FRG1: variants seen among roughly 807,000 people sequenced by gnomAD.
The protein encoded by FRG1 is FSHD region gene 1, also known as protein FRG1.
A neutral mutation model predicts 37.0 loss-of-function variants in FRG1; 19 were observed. The observed-to-expected ratio is 0.51, with a 90% CI of 0.36 to 0.75. FRG1 has a LOEUF of 0.75. FRG1 is among the 30% of genes least tolerant of loss of function. FRG1 has a pLI of 0.00. For missense variants in FRG1, 243 were observed against 301.4 expected (o/e 0.81, Z 1.44); for synonymous variants, 73 against 96.5 (o/e 0.76, Z 1.43).
At chr4:189,941,384 C>G (rs1224086976) in intron 1 of FRG1, among the ~76,000 whole-genome samples, 1 of 152,200 alleles carries the variant, frequency 6.6e-6, no homozygotes, top group Non-Finnish European at 1.5e-5. Context: ...AGTCTGATCT[C>G]GTAGTTCATG....
rs1211099867 is a variant in FRG1, at chr4:189,963,180, T to C, written c.*51T>C. 1 of 1,464,900 alleles carries C rather than the reference T, an allele frequency of 6.8e-7. No homozygotes were observed. The allele number at this position is 1,464,900 out of a possible 1,614,324, so 90.7% of individuals were successfully genotyped here. A position where few individuals can be genotyped will look rare whatever the true frequency, so the allele number is the denominator to read the frequency against. On this transcript the variant is annotated 3_prime_UTR_variant, in exon 9 of 9. Coordinates refer to ENST00000226798, the MANE Select transcript of FRG1 (RefSeq NM_004477.3). ...TTTCTGTGTTTTTTTCTGAATAAAATATTCAGAGGAAATGCTTTTACAGAG... is the reference window on the plus strand; with the variant it reads ...TTTCTGTGTTTTTTTCTGAATAAAACATTCAGAGGAAATGCTTTTACAGAG...
At chr4:189,954,593 TTC>T (rs368225976) in intron 4 of FRG1, among the ~76,000 whole-genome samples, 2,827 of 136,632 alleles carry the variant, frequency 0.021, 68 homozygotes, top group South Asian at 0.05. Flanking sequence ...TGTAGCTTTT[TTC>T]TTTTTTTTTT....
In FRG1 at chr4:189,957,550, G is replaced by A. The variant is rs566868818; in HGVS notation, c.537+48G>A. On this transcript the variant is annotated intron_variant, in intron 6 of 8. Coordinates refer to ENST00000226798, the MANE Select transcript of FRG1 (RefSeq NM_004477.3). The stretch of plus-strand genomic sequence containing the variant: ...ATGACTGCATTCACACATGCGATGT[G>A]ACTGTATCTCTTTAAAATGTTAAAT... 58 of 1,546,092 alleles carry A rather than the reference G, an allele frequency of 3.8e-5. No individual in the cohort carries two copies. In the African/African-American group the frequency reaches 7.9e-4, roughly 21 times the overall value.
At chr4:189,942,855 A>G (rs1736376584) in intron 1 of FRG1, among the ~76,000 whole-genome samples, 1 of 152,212 alleles carries the variant, frequency 6.6e-6, no homozygotes, top group Non-Finnish European at 1.5e-5. Flanking sequence ...TAATCCTCAC[A>G]ATAGCCTTAA....
At chr4:189,955,626 G>A (rs548063984) in intron 5 of FRG1, among the ~76,000 whole-genome samples, 61 of 152,144 alleles carry the variant, frequency 4.0e-4, no homozygotes, top group Middle Eastern at 3.4e-3. Context: ...AATAGCATAC[G>A]AAAAGATAGT....
intron 8 of FRG1, among the ~76,000 whole-genome samples, chr4:189,962,240 A>G (rs1301916515): frequency 6.6e-6 from 1 of 152,184 alleles, no homozygotes; most frequent in African/African-American, 2.4e-5. Flanking sequence ...TTTGACTAAT[A>G]TAAAAATTAT....
At chr4:189,962,491 A>G (rs1247070857) in intron 8 of FRG1, among the ~76,000 whole-genome samples, 3 of 152,182 alleles carry the variant, frequency 2.0e-5, no homozygotes, top group Non-Finnish European at 2.9e-5. Context: ...GTATAAATCA[A>G]TTAAGTGCCA....
intron 1 of FRG1, 41 bp downstream of exon 1, chr4:189,941,112 T>C (rs539017949): frequency 1.9e-5 from 29 of 1,551,868 alleles, no homozygotes; most frequent in Non-Finnish European, 2.6e-5. Context: ...TCCGTTCTTT[T>C]CGGACGCACT....
intron 6 of FRG1, among the ~76,000 whole-genome samples, chr4:189,959,001 A>C (rs1170304734): frequency 6.6e-6 from 1 of 152,224 alleles, no homozygotes; most frequent in Non-Finnish European, 1.5e-5. Flanking sequence ...TGGGGGCCAG[A>C]GTGGAAGGCT....
At chr4:189,959,907 A>G (rs531773702) in intron 6 of FRG1, 1 of 982,376 alleles carries the variant, frequency 1.0e-6, no homozygotes, top group African/African-American at 1.7e-5. Flanking sequence ...CAGAACACAG[A>G]TCCCTCTTAC....
chr4:189,961,433 A>G, intron 7 of FRG1: 1 of 157,188 alleles, frequency 6.4e-6, no homozygotes, highest in East Asian at 1.9e-4. Context: ...CCCAAGATGG[A>G]GTCTCGCTCT....
intron 1 of FRG1, chr4:189,942,056 G>C (rs1472114699): frequency 2.0e-5 from 4 of 200,266 alleles, no homozygotes; most frequent in African/African-American, 7.1e-5. Flanking sequence ...CCTGGGAGGA[G>C]AGGAGAGTTA....
chr4:189,942,523 C>G (rs563913238), intron 1 of FRG1, among the ~76,000 whole-genome samples: 34 of 152,278 alleles, frequency 2.2e-4, no homozygotes, highest in African/African-American at 8.2e-4. Flanking sequence ...TGAGGTTCAT[C>G]ATTGTTGTAG....
chr4:189,941,773 T>C, intron 1 of FRG1: 1 of 337,350 alleles, frequency 3.0e-6, no homozygotes, highest in Non-Finnish European at 5.9e-6. Context: ...TGGTAATTTA[T>C]TAGCTTTTTA....
At chr4:189,954,324 G>T (rs1003446854) in intron 4 of FRG1, among the ~76,000 whole-genome samples, 2 of 152,034 alleles carry the variant, frequency 1.3e-5, no homozygotes, top group African/African-American at 4.8e-5. Flanking sequence ...CTTCGATCCA[G>T]TTATTTCTAG....
chr4:189,946,544 T>G (rs1488562913), intron 2 of FRG1, among the ~76,000 whole-genome samples: 2 of 152,280 alleles, frequency 1.3e-5, no homozygotes, highest in East Asian at 1.9e-4. Flanking sequence ...TTTTATTGCT[T>G]CTTAGGAAGG....
intron 7 of FRG1, chr4:189,961,225 ATAGAATGGG>A (rs1737215859): frequency 1.1e-5 from 2 of 176,080 alleles, no homozygotes; most frequent in African/African-American, 4.8e-5. Context: ...CTATTCATTC[ATAGAATGGG>A]TGTGATGCCA....
chr4:189,959,625 A>C (rs1416804828), intron 6 of FRG1, among the ~76,000 whole-genome samples: 1 of 152,234 alleles, frequency 6.6e-6, no homozygotes, highest in African/African-American at 2.4e-5. Context: ...TCTGGATATC[A>C]TCACAAAAGT....
At chr4:189,948,588 G>T (rs915142233) in intron 2 of FRG1, among the ~76,000 whole-genome samples, 1 of 152,182 alleles carries the variant, frequency 6.6e-6, no homozygotes, top group Non-Finnish European at 1.5e-5. Context: ...GGAAGCACTG[G>T]GTTAGTCAGA....
Sources: gnomAD v4.1 joint callset for allele counts (sites outside exome capture counted in the v4.1 genomes callset) on GRCh38, gnomAD v4.1.1 for gene constraint, MANE v1.5 for transcripts, NCBI Gene and HGNC (gene_info 2026-07-23, HGNC 2026-07-21) for gene names.